Variants in FAM120B observed in about 807,000 individuals in gnomAD.
The protein encoded by FAM120B is constitutive coactivator of peroxisome proliferator-activated receptor gamma.
In FAM120B, 83 loss-of-function variants were observed where a neutral mutation model predicts 96.3. The ratio of observed to expected loss-of-function variants is 0.86; its 90% CI spans 0.72 to 1.03. The LOEUF (loss-of-function observed/expected upper bound fraction) is 1.03. Ranked by LOEUF, FAM120B falls within the 50% of genes least tolerant of loss-of-function variation. The pLI is 0.00. For missense variants in FAM120B, 1,027 were observed against 1,121.2 expected (o/e 0.92, Z 1.20); for synonymous variants, 407 against 402.7 (o/e 1.01, Z -0.13).
At chr6:170,312,858 T>C (rs1784671062) in intron 1 of FAM120B, among the ~76,000 whole-genome samples, 1 of 152,096 alleles carries the variant, frequency 6.6e-6, no homozygotes, top group Admixed American at 6.5e-5. Context: ...GGTGAGGGGA[T>C]GGGAAATTTC....
In FAM120B at chr6:170,370,094, C is replaced by T. The variant is rs540424857; in HGVS notation, c.2283+11776C>T. Among the ~76,000 whole-genome samples, 2 of 152,164 alleles carry T rather than the reference C, an allele frequency of 1.3e-5. No individual in the cohort carries two copies. Among genetic ancestry groups the T allele is most frequent in the Admixed American group, 6.5e-5 (1 of 15,282 alleles). On this transcript the variant is annotated intron_variant, in intron 6 of 10. Transcript: ENST00000476287. This position sits in a 1 kb window ranked among gnomAD's most constrained non-coding sequence, Gnocchi z 4.3. ...TCTCTTTTAAACCCATTCTGTGAGT[C>T]GGCAGAAATTTATCGCAGAGACATT... is the stretch of plus-strand genomic sequence containing the variant.
intron 1 of FAM120B, among the ~76,000 whole-genome samples, chr6:170,315,704 T>C (rs948394817): frequency 6.6e-6 from 1 of 152,202 alleles, no homozygotes; most frequent in African/African-American, 2.4e-5. Flanking sequence ...CATATTTTCA[T>C]TATGCAATTA....
intron 6 of FAM120B, among the ~76,000 whole-genome samples, chr6:170,385,771 A>G (rs973528231): frequency 4.6e-5 from 7 of 152,242 alleles, no homozygotes; most frequent in Admixed American, 3.9e-4. Flanking sequence ...ACTGTGGTCC[A>G]TCCAGACAGT....
At chr6:170,338,503 T>G (rs960659896) in intron 4 of FAM120B, among the ~76,000 whole-genome samples, 1 of 152,338 alleles carries the variant, frequency 6.6e-6, no homozygotes, top group Middle Eastern at 3.4e-3. Flanking sequence ...AGAATGTATA[T>G]TCTGTTGATT....
chr6:170,330,313 A>G, intron 3 of FAM120B, 136 bp from the exon 4 acceptor site: 1 of 619,988 alleles, frequency 1.6e-6, no homozygotes, highest in Non-Finnish European at 2.9e-6. Flanking sequence ...TTGTTGGATA[A>G]CTTAAGGTTA....
chr6:170,302,948 G>A (rs888730926), upstream of FAM120B, among the ~76,000 whole-genome samples: 1 of 152,174 alleles, frequency 6.6e-6, no homozygotes, highest in Non-Finnish European at 1.5e-5. Context: ...CCTTCCCTTT[G>A]CTGTAGTGTA....
At chr6:170,325,552 A>G (rs1047015312) in intron 3 of FAM120B, among the ~76,000 whole-genome samples, 1 of 150,942 alleles carries the variant, frequency 6.6e-6, no homozygotes, top group African/African-American at 2.4e-5. Flanking sequence ...AAAAAAAAAA[A>G]GTAGTTGGCC....
chr6:170,333,376 G>A (rs986775112), intron 4 of FAM120B, among the ~76,000 whole-genome samples: 1 of 151,998 alleles, frequency 6.6e-6, no homozygotes, highest in African/African-American at 2.4e-5. Flanking sequence ...CTTGATCTTG[G>A]GCTTCCAGCC....
rs1233502906 is a variant in FAM120B at position 170,331,512 on chromosome 6, A to G, written c.2017+962A>G. 4.6e-5 allele frequency among the ~76,000 whole-genome samples: 7 copies of G among 152,338 alleles called. 1 individual carries two copies. The East Asian group carries it at 1.2e-3, about 25-fold the overall frequency. On this transcript the variant is annotated intron_variant, in intron 4 of 10. Transcript: ENST00000476287. The stretch of plus-strand genomic sequence containing the variant: ...CACTAAAACCTTAAAAGTACTTACC[A>G]GAGAAACATAATTAGAATGCATTGA...
chr6:170,369,322 C>G (rs1388302358), intron 6 of FAM120B, among the ~76,000 whole-genome samples: 1 of 152,186 alleles, frequency 6.6e-6, no homozygotes, highest in Non-Finnish European at 1.5e-5. Flanking sequence ...ACTTTGAGAA[C>G]TCAGGATGCC....
At chr6:170,400,466 G>T (rs1046333518) in intron 9 of FAM120B, among the ~76,000 whole-genome samples, 1 of 152,108 alleles carries the variant, frequency 6.6e-6, no homozygotes, top group Non-Finnish European at 1.5e-5. Flanking sequence ...GAGGCGGCCT[G>T]CTGTGGTAGC....
chr6:170,378,622 A>T lies in FAM120B; in HGVS notation c.2284-9665A>T, dbSNP rs559697708. Among the ~76,000 whole-genome samples, 30 of 152,308 alleles carry T rather than the reference A, an allele frequency of 2.0e-4. 1 individual carries two copies. The highest frequency in any genetic ancestry group is 7.0e-4 in the African/African-American group (29 of 41,568). ...GAGGGGGAAGAGACAGGAGGCAGGAAGCAGAACCACATTCTAGCAGGGGAA... is the reference window on the plus strand; with the variant it reads ...GAGGGGGAAGAGACAGGAGGCAGGATGCAGAACCACATTCTAGCAGGGGAA... On this transcript the variant is annotated intron_variant, in intron 6 of 10. Transcript: ENST00000476287.
At chr6:170,307,626 G>C (rs1451146871) in intron 1 of FAM120B, among the ~76,000 whole-genome samples, 1 of 152,220 alleles carries the variant, frequency 6.6e-6, no homozygotes, top group African/African-American at 2.4e-5. Context: ...TAGGAGTTGA[G>C]CATTTGTGAG....
chr6:170,368,817 GGC>G (rs2115239286), intron 6 of FAM120B, among the ~76,000 whole-genome samples: 1 of 66,952 alleles, frequency 1.5e-5, no homozygotes, highest in African/African-American at 4.6e-5. Context: ...TGTCTGCCGG[GGC>G]TGGGGGGGGG....
At chr6:170,389,670 C>T (rs1790379739) in intron 7 of FAM120B, among the ~76,000 whole-genome samples, 1 of 152,070 alleles carries the variant, frequency 6.6e-6, no homozygotes, top group Non-Finnish European at 1.5e-5. Context: ...AGTGATCCTC[C>T]CTCCTCAGCC....
intron 6 of FAM120B, among the ~76,000 whole-genome samples, chr6:170,364,280 C>T (rs1256138157): frequency 1.3e-5 from 2 of 152,188 alleles, no homozygotes; most frequent in Admixed American, 1.3e-4. Context: ...TGTTCAGCAG[C>T]ACCTTTCACA....
chr6:170,328,502 G>A (rs1785758012), intron 3 of FAM120B, among the ~76,000 whole-genome samples: 1 of 152,152 alleles, frequency 6.6e-6, no homozygotes, highest in South Asian at 2.1e-4. Context: ...TTTCTGATGA[G>A]ACAGCAAGGC....
intron 9 of FAM120B, 78 bp from the exon 10 acceptor site, chr6:170,404,472 T>G: frequency 7.7e-7 from 1 of 1,296,022 alleles, no homozygotes; most frequent in Non-Finnish European, 1.1e-6. Context: ...TGTTCATACT[T>G]AGAAATGTGC....
intron 9 of FAM120B, among the ~76,000 whole-genome samples, chr6:170,402,947 G>A (rs1487450656): frequency 6.6e-6 from 1 of 152,152 alleles, no homozygotes; most frequent in African/African-American, 2.4e-5. Context: ...CAGTAACACA[G>A]AAATCAAAGA....
Sources: allele counts gnomAD v4.1 joint callset (sites outside exome capture counted in the v4.1 genomes callset), GRCh38; gene constraint gnomAD v4.1.1; non-coding constraint Gnocchi (gnomAD v3.1); transcripts MANE v1.5; gene names NCBI Gene and HGNC (gene_info 2026-07-23, HGNC 2026-07-21).